The following ZNF460 variants were observed in gnomAD, a reference collection of about 807,000 sequenced individuals.
ZNF460 encodes zinc finger protein 272.
A neutral mutation model predicts 8.4 loss-of-function variants in ZNF460; 1 was observed. The observed-to-expected ratio is 0.12, with a 90% CI of 0.04 to 0.56. The LOEUF is 0.56. Among genes scored for constraint, ZNF460 ranks in the 20% least tolerant of loss-of-function variants. The probability of loss-of-function intolerance (pLI) is 0.91; values close to 1 mark genes in which losing one functional copy is unlikely to be tolerated. For synonymous variants in ZNF460, 262 were observed against 259.9 expected, an observed-to-expected ratio of 1.01 and a Z score of -0.08; for missense variants, 477 against 714.8, an observed-to-expected ratio of 0.67 and a Z score of 3.79.
chr19:57,283,139 T>C (rs907032856), intron 1 of ZNF460, among the ~76,000 whole-genome samples: 1 of 120,468 alleles, frequency 8.3e-6, no homozygotes, highest in African/African-American at 3.4e-5. Context: ...GCCTCAGTGT[T>C]TGTTTGTTTT....
intron 2 of ZNF460, among the ~76,000 whole-genome samples, chr19:57,288,867 C>T (rs1478442030): frequency 6.6e-6 from 1 of 151,418 alleles, no homozygotes; most frequent in Admixed American, 6.6e-5. Flanking sequence ...AAGGCTAATC[C>T]ACACATTCTT....
chr19:57,290,579 A>G, intron 2 of ZNF460, 120 bp from the exon 3 acceptor site: 1 of 1,033,552 alleles, frequency 9.7e-7, no homozygotes, highest in Non-Finnish European at 1.4e-6. Context: ...TACCCAGCCC[A>G]TCAAATCATA....
chr19:57,289,921 A>G (rs994127268), intron 2 of ZNF460, among the ~76,000 whole-genome samples: 4 of 152,072 alleles, frequency 2.6e-5, no homozygotes, highest in Non-Finnish European at 4.4e-5. Context: ...CAGGCAGATC[A>G]CCTGAGTTCA....
chr19:57,292,928 A>G lies in ZNF460; in HGVS notation c.*698A>G, dbSNP rs769826328. The stretch of plus-strand genomic sequence containing the variant: ...ACATTTAAGGAGATAAAGGATGTAC[A>G]TATGAATGGGCACATTTTACTGCAC... On this transcript the variant is annotated 3_prime_UTR_variant, in exon 3 of 3. Coordinates refer to ENST00000360338, the MANE Select transcript of ZNF460 (RefSeq NM_006635.4). The G allele has an allele frequency of 1.3e-5, 2 of 152,228 alleles. No homozygotes were observed. Among genetic ancestry groups the G allele is most frequent in the African/African-American group, 2.4e-5 (1 of 41,460 alleles). The allele number at this position is 152,228 out of a possible 1,614,324, so 9.4% of individuals were successfully genotyped here. A position where few individuals can be genotyped will look rare whatever the true frequency, so the allele number is the denominator to read the frequency against.
chr19:57,288,528 A>G (rs557770297), intron 2 of ZNF460, among the ~76,000 whole-genome samples: 2 of 152,312 alleles, frequency 1.3e-5, no homozygotes. Flanking sequence ...ATCACAGCCT[A>G]TGAAACAGAA....
rs950183714 is a variant in ZNF460, at chr19:57,281,528, T to C, written c.30+692T>C. ...GCTGTGGGCTGATCGGTGAGTATTA[T>C]TTAACCCTCAGTTCGTTTAACCCTG... On this transcript the variant is annotated intron_variant, in intron 1 of 2. Transcript: ENST00000360338. Among the ~76,000 whole-genome samples, 8 of 152,112 alleles carry C rather than the reference T, an allele frequency of 5.3e-5. No homozygotes were observed. In the East Asian group the frequency reaches 9.7e-4, roughly 18 times the overall value.
rs532019047 is a variant in ZNF460, at chr19:57,280,792, C to G, written c.-15C>G. On this transcript the variant is annotated 5_prime_UTR_variant, in exon 1 of 3. Transcript: ENST00000360338. ...AGAGAAGGGCTGTGGTCGGCTGATCCGCGGCATTCCCGGGATGGCGGCGGC... is the reference window on the plus strand; with the variant it reads ...AGAGAAGGGCTGTGGTCGGCTGATCGGCGGCATTCCCGGGATGGCGGCGGC... The G allele has an allele frequency of 2.5e-6, 4 of 1,613,878 alleles. No homozygotes were observed. The highest frequency in any genetic ancestry group is 1.1e-5 in the South Asian group (1 of 91,064).
Position 57,292,218 on chromosome 19 carries a change from C to T in ZNF460, c.1677C>T (p.Thr559=), listed in dbSNP as rs779941803. 1.2e-6 allele frequency: 2 copies of T among 1,610,274 alleles called. No homozygotes were observed. The highest frequency in any genetic ancestry group is 1.1e-5 in the South Asian group (1 of 90,982). ...TCAACGGATTCATAGTGGAAGAAAC[C>T]CTACCATTGTAACAGATGTGGAAAG... The part of the protein sequence containing the change: ...LDINGFIVEE[T]LPL The change falls in exon 3 of 3, where the codon ACC becomes ACT. Residue 559 remains threonine, a synonymous_variant. Transcript: ENST00000360338.
rs1247703432 is a variant in ZNF460 at position 57,291,297 on chromosome 19, T to G, written c.756T>G (p.Phe252Leu). The G allele has an allele frequency of 8.1e-6, 13 of 1,613,820 alleles. No individual in the cohort carries two copies. Among genetic ancestry groups the G allele is most frequent in the Non-Finnish European group, 1.1e-5 (13 of 1,180,004 alleles). Residue 252 changes from phenylalanine to leucine, a missense_variant, in exon 3 of 3, where the codon TTT (phenylalanine) becomes TTG (leucine). By Grantham distance (22) the Phe-to-Leu change is conservative. Around this residue, in one of 5 missense-constraint regions of ZNF460, gnomAD observed 193 missense variants for 391.7 expected, o/e 0.49. Coordinates refer to ENST00000360338, the MANE Select transcript of ZNF460 (RefSeq NM_006635.4). The surrounding 1 kb of genome is among the most constrained non-coding windows in gnomAD (Gnocchi z 8.4). ...GGACTCACAATGGAGATAAGCCCTT[T>G]GTGTGCAGTGAATGTGGAAGGACCT... Reference protein sequence around the residue: ...HQRTHNGDKPFVCSECGRTFN... With the variant: ...HQRTHNGDKPLVCSECGRTFN...
At chr19:57,285,635 T>G (rs907653310) in intron 2 of ZNF460, among the ~76,000 whole-genome samples, 2 of 152,214 alleles carry the variant, frequency 1.3e-5, no homozygotes, top group African/African-American at 4.8e-5. Context: ...AAAGGTTCTT[T>G]CTTTTGTGAT....
At chr19:57,290,417 A>G (rs1009532717) in intron 2 of ZNF460, among the ~76,000 whole-genome samples, 2 of 152,126 alleles carry the variant, frequency 1.3e-5, no homozygotes, top group East Asian at 3.9e-4. Context: ...CGCTGGGATT[A>G]TAGCCGCCCG....
intron 2 of ZNF460, among the ~76,000 whole-genome samples, chr19:57,284,947 G>A (rs1199661808): frequency 2.0e-5 from 3 of 151,814 alleles, no homozygotes; most frequent in Non-Finnish European, 4.4e-5. Flanking sequence ...CTCCAGAGTA[G>A]CTGGGATTAC....
Position 57,291,182 on chromosome 19 carries a change from A to G in ZNF460, c.641A>G (p.His214Arg). 6.2e-7 allele frequency: 1 copy of G among 1,614,234 alleles called. No individual in the cohort carries two copies. The highest frequency in any genetic ancestry group is 8.5e-7 in the Non-Finnish European group (1 of 1,180,050). Residue 214 changes from histidine (H) to arginine (R), a missense_variant, in exon 3 of 3, where the codon CAT becomes CGT. His to Arg is a conservative substitution (Grantham distance 29). Coordinates refer to ENST00000360338, the MANE Select transcript of ZNF460 (RefSeq NM_006635.4). This position sits in a 1 kb window ranked among gnomAD's most constrained non-coding sequence, Gnocchi z 8.4. ...AFGKSKHLLQ[H>R]HIIHTGEKPY... ...GGCAAGAGCAAACACCTCCTTCAGC[A>G]TCACATCATCCATACTGGGGAGAAG... is the stretch of plus-strand genomic sequence containing the variant.
rs1378137576 is a variant in ZNF460 at position 57,280,599 on chromosome 19, T to C, written c.-208T>C. ...TCTTGGCGGGAGCCTGACGCCCCGCTTCTCCCCTAACGAGGTGTCCCACCG... is the reference window on the plus strand; with the variant it reads ...TCTTGGCGGGAGCCTGACGCCCCGCCTCTCCCCTAACGAGGTGTCCCACCG... On this transcript the variant is annotated 5_prime_UTR_variant, in exon 1 of 3. Coordinates refer to ENST00000360338, the MANE Select transcript of ZNF460 (RefSeq NM_006635.4). 1.6e-6 allele frequency: 1 copy of C among 627,350 alleles called. No individual in the cohort carries two copies. The highest frequency in any genetic ancestry group is 2.7e-6 in the Non-Finnish European group (1 of 364,164). The allele number at this position is 627,350 out of a possible 1,614,324, so 38.9% of individuals were successfully genotyped here. A position where few individuals can be genotyped will look rare whatever the true frequency, so the allele number is the denominator to read the frequency against.
chr19:57,287,070 G>T (rs2087884888), intron 2 of ZNF460, among the ~76,000 whole-genome samples: 2 of 151,976 alleles, frequency 1.3e-5, no homozygotes, highest in Admixed American at 6.6e-5. Flanking sequence ...CCTCATCAGG[G>T]TTTTATGCCC....
intron 2 of ZNF460, among the ~76,000 whole-genome samples, chr19:57,288,378 G>C (rs2087893913): frequency 6.6e-6 from 1 of 152,136 alleles, no homozygotes; most frequent in African/African-American, 2.4e-5. Context: ...TTTTTTTGTA[G>C]AGATGGGATA....
rs2087922670 is a variant in ZNF460 at position 57,292,146 on chromosome 19, G to A, written c.1605G>A (p.Val535=). The A allele has an allele frequency of 6.2e-7, 1 of 1,614,068 alleles. No homozygotes were observed. Among genetic ancestry groups the A allele is most frequent in the South Asian group, 1.1e-5 (1 of 91,090 alleles). ...CTGAGAGTAGCCCAGTGAGTGCAGT[G>A]AATATGGAAACGCCTTCAATTGCCG... ...IHTESSPVSA[V]NMETPSIAAH... Residue 535 remains valine, a synonymous_variant, in exon 3 of 3, where the codon GTG becomes GTA. Transcript: ENST00000360338.
chr19:57,284,804 C>T, intron 2 of ZNF460, 127 bp downstream of exon 2: 1 of 1,026,178 alleles, frequency 9.7e-7, no homozygotes, highest in Non-Finnish European at 1.3e-6. Context: ...TTTCCCAAAG[C>T]TTTACTCTAT....
At position 57,290,987 on chromosome 19, in the gene ZNF460, C is replaced by T; in HGVS notation, c.446C>T (p.Ala149Val). 6.2e-7 allele frequency: 1 copy of T among 1,614,210 alleles called. No homozygotes were observed. Residue 149 changes from alanine to valine, a missense_variant, in exon 3 of 3, where the codon GCT becomes GTT. Transcript: ENST00000360338. ...MIQNQVSPEDALYGFDSYGPV... is the reference protein window; with the variant it reads ...MIQNQVSPEDVLYGFDSYGPV... ...CAGAACCAAGTCTCACCAGAAGATG[C>T]TCTCTATGGATTTGACTCATATGGA...
Sources: gnomAD v4.1 joint callset for allele counts (sites outside exome capture counted in the v4.1 genomes callset) on GRCh38, gnomAD v4.1.1 for gene constraint, gnomAD v4.1.1 regional missense constraint, Gnocchi (gnomAD v3.1) non-coding constraint, MANE v1.5 for transcripts, NCBI Gene and HGNC (gene_info 2026-07-23, HGNC 2026-07-21) for gene names.